Variants in SNX25 observed in about 807,000 individuals in gnomAD.
SNX25 encodes sorting nexin-25.
Under a neutral mutation model 113.7 loss-of-function variants are expected in SNX25, and 62 were observed. The observed-to-expected ratio is 0.55, with a 90% CI of 0.44 to 0.67. The LOEUF is 0.67. Among genes scored for constraint, SNX25 ranks in the 30% least tolerant of loss-of-function variants. The pLI, the probability that SNX25 is intolerant of heterozygous loss-of-function variation, is 0.00. For synonymous variants in SNX25, 421 were observed against 436.2 expected (o/e 0.97, Z 0.43); for missense variants, 1,014 against 1,161.0 (o/e 0.87, Z 1.84).
intron 4 of SNX25, among the ~76,000 whole-genome samples, chr4:185,265,178 A>G (rs1311210895): frequency 2.0e-5 from 3 of 152,148 alleles, no homozygotes; most frequent in African/African-American, 4.8e-5. Flanking sequence ...TCTTTGCTAT[A>G]TGATTTGTTG....
intron 1 of SNX25, among the ~76,000 whole-genome samples, chr4:185,224,724 A>G (rs994256659): frequency 6.6e-6 from 1 of 150,882 alleles, no homozygotes; most frequent in Non-Finnish European, 1.5e-5. Flanking sequence ...GGGTTTCAAT[A>G]AGTTGTGATT....
At chr4:185,211,086 G>C (rs1200432805) in intron 1 of SNX25, among the ~76,000 whole-genome samples, 2 of 152,094 alleles carry the variant, frequency 1.3e-5, no homozygotes, top group Non-Finnish European at 2.9e-5. Flanking sequence ...AATTGCCCAA[G>C]CGCTTTGGGG....
intron 5 of SNX25, among the ~76,000 whole-genome samples, chr4:185,272,714 T>C (rs2126565746): frequency 6.6e-6 from 1 of 152,340 alleles, no homozygotes; most frequent in South Asian, 2.1e-4. Flanking sequence ...TCCTGTTGTA[T>C]AATTCATTGC....
At chr4:185,226,934 A>G (rs1217470682) in intron 1 of SNX25, among the ~76,000 whole-genome samples, 1 of 152,212 alleles carries the variant, frequency 6.6e-6, no homozygotes, top group Non-Finnish European at 1.5e-5. Context: ...AAGAATACAC[A>G]GTCCAGAGAG....
intron 2 of SNX25, among the ~76,000 whole-genome samples, chr4:185,255,370 G>A (rs1746271000): frequency 6.6e-6 from 1 of 152,130 alleles, no homozygotes; most frequent in Non-Finnish European, 1.5e-5. Flanking sequence ...CTGACCTCAG[G>A]TGATCTGCCT....
chr4:185,220,944 G>A (rs1187517982), intron 1 of SNX25, among the ~76,000 whole-genome samples: 2 of 151,986 alleles, frequency 1.3e-5, no homozygotes, highest in East Asian at 1.9e-4. Context: ...GCTCACCGCA[G>A]CATCAGCCTC....
intron 6 of SNX25, among the ~76,000 whole-genome samples, chr4:185,295,465 T>G (rs959445176): frequency 3.3e-5 from 5 of 151,782 alleles, no homozygotes; most frequent in Non-Finnish European, 7.4e-5. Context: ...TTTTTTTTTT[T>G]TTGAGACAGG....
chr4:185,305,453 C>A (rs1476224509), intron 6 of SNX25, among the ~76,000 whole-genome samples: 1 of 152,136 alleles, frequency 6.6e-6, no homozygotes, highest in African/African-American at 2.4e-5. Flanking sequence ...CCATTTTAAT[C>A]CAGTTGTACT....
At chr4:185,339,605 C>T in intron 11 of SNX25, 95 bp downstream of exon 11, 1 of 1,438,286 alleles carries the variant, frequency 7.0e-7, no homozygotes, top group Admixed American at 2.3e-5. Flanking sequence ...GGGTAGAAAA[C>T]TTACACTCAT....
rs763001640 is a variant in SNX25 at position 185,264,595 on chromosome 4, A to T, written c.889A>T (p.Ile297Phe). Reference protein sequence around the residue: ...SLSLRIMLAEILTTKVLKPVV... With the variant: ...SLSLRIMLAEFLTTKVLKPVV... ...CAGCTTACGTATAATGCTTGCAGAA[A>T]TTCTCACAACAAAAGGTAGACTTAT... Residue 297 changes from isoleucine to phenylalanine, a missense_variant, in exon 4 of 19, where the codon ATT (isoleucine) becomes TTT (phenylalanine). Ile to Phe is a conservative substitution (Grantham distance 21). Transcript: ENST00000652585. The T allele has an allele frequency of 1.9e-6, 3 of 1,614,022 alleles. No individual in the cohort carries two copies. Among genetic ancestry groups the T allele is most frequent in the Non-Finnish European group, 2.5e-6 (3 of 1,179,900 alleles).
chr4:185,253,238 A>G lies in SNX25; in HGVS notation c.515-5610A>G, dbSNP rs561934001. ...CAGTGGTGTGTTCAATGTTAAATTGAAAGTTCTTGAATTGAAAATATAATT... is the reference window on the plus strand; with the variant it reads ...CAGTGGTGTGTTCAATGTTAAATTGGAAGTTCTTGAATTGAAAATATAATT... On this transcript the variant is annotated intron_variant, in intron 2 of 18. Coordinates refer to ENST00000652585, the MANE Select transcript of SNX25 (RefSeq NM_001378034.2). Among the ~76,000 whole-genome samples, 68 of 152,258 alleles carry G rather than the reference A, an allele frequency of 4.5e-4. 1 individual carries two copies. In the South Asian group the frequency reaches 0.014, roughly 31 times the overall value.
At chr4:185,272,727 C>G (rs1199775254) in intron 5 of SNX25, among the ~76,000 whole-genome samples, 1 of 152,006 alleles carries the variant, frequency 6.6e-6, no homozygotes, top group Non-Finnish European at 1.5e-5. Context: ...TTCATTGCAC[C>G]CTAATTATTT....
At chr4:185,366,293 A>G (rs1202223796), downstream of SNX25, 4 of 152,234 alleles carry the variant, frequency 2.6e-5, no homozygotes, top group Non-Finnish European at 5.9e-5. Context: ...GATTTCATTG[A>G]GGCTTTTACC....
chr4:185,246,197 A>T (rs7681573), intron 1 of SNX25, among the ~76,000 whole-genome samples: 2 of 152,194 alleles, frequency 1.3e-5, no homozygotes, highest in Non-Finnish European at 2.9e-5. Context: ...AGGCAGGAGA[A>T]TCACTTGAAC....
At chr4:185,215,347 T>G (rs1253031675) in intron 1 of SNX25, among the ~76,000 whole-genome samples, 1 of 152,200 alleles carries the variant, frequency 6.6e-6, no homozygotes, top group African/African-American at 2.4e-5. Flanking sequence ...GCCCAGTAGA[T>G]TAGACCCACA....
chr4:185,217,490 A>G (rs1341268365), intron 1 of SNX25, among the ~76,000 whole-genome samples: 4 of 152,164 alleles, frequency 2.6e-5, no homozygotes, highest in Non-Finnish European at 5.9e-5. Context: ...ATAGCAGCAG[A>G]TGTATCCTAG....
chr4:185,240,883 C>T (rs548642610), intron 1 of SNX25, among the ~76,000 whole-genome samples: 3,052 of 148,734 alleles, frequency 0.021, 50 homozygotes, highest in Middle Eastern at 0.065. Flanking sequence ...CCAGACGGGG[C>T]GGCAGGGCAG....
At chr4:185,208,359 T>C (rs141730212), upstream of SNX25, among the ~76,000 whole-genome samples, 94 of 152,260 alleles carry the variant, frequency 6.2e-4, no homozygotes, top group African/African-American at 2.1e-3. Flanking sequence ...GGTAACTTAT[T>C]TTGATCATCC....
At chr4:185,310,540 A>C in intron 6 of SNX25, 95 bp from the exon 7 acceptor site, 1 of 1,088,844 alleles carries the variant, frequency 9.2e-7, no homozygotes, top group Non-Finnish European at 1.3e-6. Flanking sequence ...CACTTGGTTC[A>C]GAATGCCCAC....
Sources: allele counts gnomAD v4.1 joint callset (sites outside exome capture counted in the v4.1 genomes callset), GRCh38; gene constraint gnomAD v4.1.1; transcripts MANE v1.5; gene names NCBI Gene and HGNC (gene_info 2026-07-23, HGNC 2026-07-21).